Variants in PDE4D observed in about 807,000 individuals in gnomAD.
PDE4D encodes 3',5'-cyclic-AMP phosphodiesterase 4D.
A neutral mutation model predicts 87.4 loss-of-function variants in PDE4D; 24 were observed. That is an observed-to-expected ratio of 0.27 (90% CI 0.20 to 0.39). The LOEUF is 0.39. Among genes scored for constraint, PDE4D ranks in the 10% least tolerant of loss-of-function variants. The pLI is 1.00. For missense variants in PDE4D, 714 were observed against 1,041.0 expected, an observed-to-expected ratio of 0.69 and a Z score of 4.32; for synonymous variants, 384 against 383.2, an observed-to-expected ratio of 1.00 and a Z score of -0.02.
At chr5:59,858,538 G>A (rs1745797892) in intron 1 of PDE4D, among the ~76,000 whole-genome samples, 2 of 151,854 alleles carry the variant, frequency 1.3e-5, no homozygotes, top group Admixed American at 6.6e-5. Flanking sequence ...CCATCTCCAC[G>A]AGAAGAACAC....
At chr5:59,439,960 C>G (rs533913194) in intron 1 of PDE4D, among the ~76,000 whole-genome samples, 1 of 152,244 alleles carries the variant, frequency 6.6e-6, no homozygotes, top group Admixed American at 6.5e-5. Context: ...AGCTGCCATC[C>G]TAAGATGTAG....
intron 2 of PDE4D, among the ~76,000 whole-genome samples, chr5:60,024,367 C>G (rs1766404368): frequency 6.6e-6 from 1 of 152,142 alleles, no homozygotes; most frequent in Non-Finnish European, 1.5e-5. Context: ...TGAAGCTAGT[C>G]TGAAAATAGC....
intron 1 of PDE4D, among the ~76,000 whole-genome samples, chr5:59,448,729 C>T (rs1451778288): frequency 1.3e-5 from 2 of 152,158 alleles, no homozygotes; most frequent in Non-Finnish European, 2.9e-5. Flanking sequence ...GACTTCAGGA[C>T]TCACACGATC....
intron 1 of PDE4D, among the ~76,000 whole-genome samples, chr5:60,321,508 C>T (rs1209308194): frequency 6.6e-6 from 1 of 152,054 alleles, no homozygotes; most frequent in Non-Finnish European, 1.5e-5. Context: ...GACAAAGATG[C>T]CAAAAGCAAT....
At chr5:60,192,790 G>A (rs1194345725) in intron 1 of PDE4D, among the ~76,000 whole-genome samples, 1 of 152,066 alleles carries the variant, frequency 6.6e-6, no homozygotes, top group Non-Finnish European at 1.5e-5. Flanking sequence ...TATGTTTCTT[G>A]GCTTCTCAAA....
intron 1 of PDE4D, among the ~76,000 whole-genome samples, chr5:59,219,934 A>C (rs1752102373): frequency 6.6e-6 from 1 of 152,112 alleles, no homozygotes; most frequent in South Asian, 2.1e-4. Flanking sequence ...GGAATGAATA[A>C]GGCGTGTATA....
chr5:59,529,594 C>A (rs1813788585), intron 1 of PDE4D, among the ~76,000 whole-genome samples: 1 of 152,194 alleles, frequency 6.6e-6, no homozygotes, highest in African/African-American at 2.4e-5. Context: ...AATTCTGATT[C>A]AACAAAAAAG....
chr5:59,205,700 C>CACT (rs1269726760), intron 2 of PDE4D, among the ~76,000 whole-genome samples: 2 of 82,568 alleles, frequency 2.4e-5, no homozygotes, highest in Admixed American at 1.3e-4. Flanking sequence ...ACACACACAC[C>CACT]AATCCACAAA....
chr5:59,847,458 G>T (rs1455672985), intron 1 of PDE4D, among the ~76,000 whole-genome samples: 1 of 152,044 alleles, frequency 6.6e-6, no homozygotes, highest in Non-Finnish European at 1.5e-5. Context: ...TGTACGGGGA[G>T]GGTACCAGTT....
chr5:60,119,108 T>G (rs1213436522), intron 2 of PDE4D, among the ~76,000 whole-genome samples: 1 of 152,186 alleles, frequency 6.6e-6, no homozygotes, highest in East Asian at 1.9e-4. Flanking sequence ...TCCTTAAACC[T>G]TGTTGGTCTG....
chr5:60,382,741 GC>G (rs1761951588), intron 1 of PDE4D, among the ~76,000 whole-genome samples: 1 of 152,048 alleles, frequency 6.6e-6, no homozygotes, highest in Non-Finnish European at 1.5e-5. Context: ...CATTTTCTTA[GC>G]CCTACTCTTT....
chr5:59,086,468 C>T (rs1016152983), intron 5 of PDE4D, among the ~76,000 whole-genome samples: 2 of 152,148 alleles, frequency 1.3e-5, no homozygotes, highest in Admixed American at 6.5e-5. Flanking sequence ...TCAGCCACTA[C>T]TTCTCAATCT....
chr5:60,122,629 C>A (rs757924157), intron 2 of PDE4D, among the ~76,000 whole-genome samples: 1 of 152,150 alleles, frequency 6.6e-6, no homozygotes, highest in Non-Finnish European at 1.5e-5. Flanking sequence ...GGGCCTGGCC[C>A]ACAAAACCAT....
At chr5:59,903,598 C>T (rs1235627262) in intron 3 of PDE4D, among the ~76,000 whole-genome samples, 1 of 152,124 alleles carries the variant, frequency 6.6e-6, no homozygotes, top group Non-Finnish European at 1.5e-5. Flanking sequence ...AAATTGACAA[C>T]TACTACTTAT....
chr5:59,770,723 C>CA (rs143198266), intron 1 of PDE4D, among the ~76,000 whole-genome samples: 9,309 of 150,668 alleles, frequency 0.062, 324 homozygotes, highest in Middle Eastern at 0.15. Flanking sequence ...ACTGAAATGG[C>CA]AAAAAAAAAT....
intron 1 of PDE4D, among the ~76,000 whole-genome samples, chr5:59,485,656 G>C (rs1007984655): frequency 6.6e-6 from 1 of 151,930 alleles, no homozygotes; most frequent in Non-Finnish European, 1.5e-5. Context: ...CTGCAGAATA[G>C]TTTTTCTAGA....
intron 3 of PDE4D, among the ~76,000 whole-genome samples, chr5:59,924,631 G>T (rs1755043141): frequency 6.6e-6 from 1 of 150,710 alleles, no homozygotes; most frequent in South Asian, 2.1e-4. Context: ...TATCCTTCAT[G>T]CATGGAGATA....
rs142512335 is a variant in PDE4D, at chr5:60,240,386, G to A, written c.-89-54699C>T. Reference sequence around the variant, plus strand: ...TTAGGGCAACAAGCAGACTCTTGGGGTCCCCAGTTCCAAGGCTTGACTCTT... The same window carrying A: ...TTAGGGCAACAAGCAGACTCTTGGGATCCCCAGTTCCAAGGCTTGACTCTT... On this transcript the variant is annotated intron_variant, in intron 1 of 16. Transcript: ENST00000502484. 1.9e-3 allele frequency among the ~76,000 whole-genome samples: 289 copies of A among 152,156 alleles called. 1 individual carries two copies. Among genetic ancestry groups the A allele is most frequent in the African/African-American group, 6.7e-3 (278 of 41,528 alleles).
chr5:59,087,190 G>A (rs1767858494), intron 5 of PDE4D, among the ~76,000 whole-genome samples: 1 of 152,088 alleles, frequency 6.6e-6, no homozygotes, highest in Non-Finnish European at 1.5e-5. Context: ...TAAAAAATAC[G>A]TTAAAAAAAT....
Sources: allele counts gnomAD v4.1 joint callset (sites outside exome capture counted in the v4.1 genomes callset), GRCh38; gene constraint gnomAD v4.1.1; transcripts MANE v1.5; gene names NCBI Gene and HGNC (gene_info 2026-07-23, HGNC 2026-07-21).